The following AP2A2 variants were observed in gnomAD, a reference collection of about 807,000 sequenced individuals.
AP2A2 encodes AP-2 complex subunit alpha-2.
Under a neutral mutation model 104.2 loss-of-function variants are expected in AP2A2, and 32 were observed. The ratio of observed to expected loss-of-function variants is 0.31; its 90% CI spans 0.23 to 0.41. The LOEUF (loss-of-function observed/expected upper bound fraction) is 0.41. Ranked by LOEUF, AP2A2 falls within the 10% of genes least tolerant of loss-of-function variation. The pLI is 1.00. For missense variants in AP2A2, 912 were observed against 1,261.0 expected, an observed-to-expected ratio of 0.72 and a Z score of 4.19; for synonymous variants, 539 against 533.3, an observed-to-expected ratio of 1.01 and a Z score of -0.15.
Position 1,008,151 on chromosome 11 carries a change from G to C in AP2A2, c.2420+16G>C. On this transcript the variant is annotated intron_variant, in intron 18 of 21. Transcript: ENST00000448903. ...TTCAGTTCAGGTAAGAGCCGCCTGT[G>C]CGCCCCGGGCCAAGGGGTGTGTGGG... 6.3e-7 allele frequency: 1 copy of C among 1,587,226 alleles called. No homozygotes were observed. The highest frequency in any genetic ancestry group is 8.6e-7 in the Non-Finnish European group (1 of 1,166,122).
chr11:942,668 TTAAA>T (rs1187321326), intron 1 of AP2A2, among the ~76,000 whole-genome samples: 2 of 152,210 alleles, frequency 1.3e-5, no homozygotes, highest in East Asian at 3.8e-4. Context: ...TTTGATGACT[TTAAA>T]AAATAATTTC....
At position 993,422 on chromosome 11, in the gene AP2A2, C is replaced by T. The variant is rs572807930; in HGVS notation, c.1550+41C>T. 78 of 1,486,362 alleles carry T rather than the reference C, an allele frequency of 5.2e-5. No individual in the cohort carries two copies. The highest frequency in any genetic ancestry group is 2.4e-4 in the East Asian group (10 of 41,128). 92.1% of individuals were successfully genotyped at this position (1,486,362 alleles called of 1,614,324 possible). A position where few individuals can be genotyped will look rare whatever the true frequency, so the allele number is the denominator to read the frequency against. ...CGAGTCGGGGCTGTGTGCGCTCCGG[C>T]GGGCCTCTCGGTGGTCGGTGGCAAG... On this transcript the variant is annotated intron_variant, in intron 12 of 21. Coordinates refer to ENST00000448903, the MANE Select transcript of AP2A2 (RefSeq NM_012305.4). The surrounding 1 kb of genome is among the most constrained non-coding windows in gnomAD (Gnocchi z 8.2).
Position 985,484 on chromosome 11 carries a change from C to G in AP2A2, c.864C>G (p.Asn288Lys). The change falls in exon 8 of 22, where the codon AAC becomes AAG. Residue 288 changes from asparagine to lysine, a missense_variant. By Grantham distance (94) the Asn-to-Lys change is moderately conservative. Transcript: ENST00000448903. ...CTGAGTGCCTGGAGACCATCCTGAACAAAGCCCAAGAACCGCCCAAGTCGA... is the reference window on the plus strand; with the variant it reads ...CTGAGTGCCTGGAGACCATCCTGAAGAAAGCCCAAGAACCGCCCAAGTCGA... ...RLTECLETIL[N>K]KAQEPPKSKK... The G allele has an allele frequency of 6.2e-7, 1 of 1,613,980 alleles. No homozygotes were observed. The highest frequency in any genetic ancestry group is 8.5e-7 in the Non-Finnish European group (1 of 1,179,904).
intron 2 of AP2A2, among the ~76,000 whole-genome samples, chr11:965,991 C>G (rs1391442396): frequency 2.0e-5 from 3 of 152,166 alleles, no homozygotes; most frequent in African/African-American, 7.2e-5. Context: ...CAGGTGTGCA[C>G]CACCACGCCC....
chr11:951,716 A>G (rs1854060720), intron 1 of AP2A2, among the ~76,000 whole-genome samples: 1 of 152,208 alleles, frequency 6.6e-6, no homozygotes. Context: ...CGTAGCTAGT[A>G]AAACATGGAG....
chr11:960,067 G>T (rs1276345680), intron 2 of AP2A2, among the ~76,000 whole-genome samples: 1 of 152,158 alleles, frequency 6.6e-6, no homozygotes, highest in Non-Finnish European at 1.5e-5. Context: ...ACCTCCCTGA[G>T]CATACCTTAG....
intron 14 of AP2A2, 128 bp downstream of exon 14, chr11:994,373 A>T (rs986001342): frequency 1.1e-5 from 13 of 1,219,124 alleles, no homozygotes; most frequent in African/African-American, 1.5e-5. Flanking sequence ...GTGGCTCTGG[A>T]CACCCCGCTG....
chr11:925,966 T>TC lies in AP2A2; in HGVS notation c.-52dup. ...GGCGACCGCACTCCCCGCTTCCCGC[T>TC]CCCCGCGCTCCTCCGCCCGGGTCCG... is the stretch of plus-strand genomic sequence containing the variant. On this transcript the variant is annotated 5_prime_UTR_variant, in exon 1 of 22. Transcript: ENST00000448903. The TC allele has an allele frequency of 7.6e-7, 1 of 1,323,954 alleles. No homozygotes were observed. The highest frequency in any genetic ancestry group is 9.9e-7 in the Non-Finnish European group (1 of 1,008,590). The allele number at this position is 1,323,954 out of a possible 1,614,324, so 82.0% of individuals were successfully genotyped here. A position where few individuals can be genotyped will look rare whatever the true frequency, so the allele number is the denominator to read the frequency against.
At chr11:963,449 C>A (rs943101952) in intron 2 of AP2A2, among the ~76,000 whole-genome samples, 5 of 151,518 alleles carry the variant, frequency 3.3e-5, no homozygotes, top group Non-Finnish European at 7.4e-5. Flanking sequence ...AAAAAAAAAA[C>A]AAGGTACCGA....
chr11:945,150 A>G (rs1380305780), intron 1 of AP2A2, among the ~76,000 whole-genome samples: 1 of 152,026 alleles, frequency 6.6e-6, no homozygotes, highest in Non-Finnish European at 1.5e-5. Flanking sequence ...CACGCTGCAG[A>G]GAGGCATGAG....
At chr11:995,001 T>TG (rs1855804762) in intron 14 of AP2A2, among the ~76,000 whole-genome samples, 1 of 151,692 alleles carries the variant, frequency 6.6e-6, no homozygotes, top group Non-Finnish European at 1.5e-5. Context: ...CCCTCTGGCC[T>TG]GTCCCGGGGG....
chr11:969,746 C>A (rs1854754172), intron 2 of AP2A2, among the ~76,000 whole-genome samples: 1 of 152,134 alleles, frequency 6.6e-6, no homozygotes, highest in African/African-American at 2.4e-5. Flanking sequence ...ATAATTTAGA[C>A]TGTGTTCATA....
chr11:941,331 C>T (rs1291379195), intron 1 of AP2A2, among the ~76,000 whole-genome samples: 2 of 152,148 alleles, frequency 1.3e-5, no homozygotes, highest in Admixed American at 6.5e-5. Context: ...ACTCTATTGT[C>T]CTTGATGACT....
At chr11:964,279 C>G (rs1326250992) in intron 2 of AP2A2, among the ~76,000 whole-genome samples, 1 of 152,230 alleles carries the variant, frequency 6.6e-6, no homozygotes, top group African/African-American at 2.4e-5. Context: ...AACAATGAAG[C>G]TACCCTGTTT....
chr11:972,790 C>T (rs1380909458), intron 4 of AP2A2, among the ~76,000 whole-genome samples: 2 of 152,274 alleles, frequency 1.3e-5, no homozygotes, highest in Non-Finnish European at 1.5e-5. Flanking sequence ...AGAACGCCCA[C>T]ACCCTGCCAG....
intron 5 of AP2A2, 72 bp from the exon 6 acceptor site, chr11:981,126 T>C (rs1855222234): frequency 1.5e-6 from 2 of 1,368,694 alleles, no homozygotes; most frequent in Admixed American, 2.2e-5. Flanking sequence ...TTTAAGGTTT[T>C]CTTTGGAAGA....
intron 1 of AP2A2, among the ~76,000 whole-genome samples, chr11:958,064 G>T (rs1854294540): frequency 6.6e-6 from 1 of 152,226 alleles, no homozygotes. Context: ...CAACCCCAGT[G>T]TGACTGGATT....
chr11:928,772 T>A (rs900640604), intron 1 of AP2A2, among the ~76,000 whole-genome samples: 2 of 152,168 alleles, frequency 1.3e-5, no homozygotes, highest in African/African-American at 4.8e-5. Context: ...CCAGGTCTCT[T>A]TAATACGGCC....
intron 1 of AP2A2, among the ~76,000 whole-genome samples, chr11:949,000 C>T (rs1853945285): frequency 6.6e-6 from 1 of 152,070 alleles, no homozygotes; most frequent in Non-Finnish European, 1.5e-5. Context: ...AGAATTAATA[C>T]CAGTCCTGGC....
Sources: gnomAD v4.1 joint callset for allele counts (sites outside exome capture counted in the v4.1 genomes callset) on GRCh38, gnomAD v4.1.1 for gene constraint, Gnocchi (gnomAD v3.1) non-coding constraint, MANE v1.5 for transcripts, NCBI Gene and HGNC (gene_info 2026-07-23, HGNC 2026-07-21) for gene names.